Variants in FSTL5 observed in about 807,000 individuals in gnomAD.
FSTL5 encodes follistatin-related protein 5.
Under a neutral mutation model 89.1 loss-of-function variants are expected in FSTL5, and 62 were observed. The ratio of observed to expected loss-of-function variants is 0.70; its 90% CI spans 0.57 to 0.86. FSTL5 has a LOEUF of 0.86. Among genes scored for constraint, FSTL5 ranks in the 40% least tolerant of loss-of-function variants. The pLI is 0.00. For missense variants in FSTL5, 1,057 were observed against 1,001.6 expected (o/e 1.06, Z -0.75); for synonymous variants, 383 against 346.2 (o/e 1.11, Z -1.18).
intron 2 of FSTL5, among the ~76,000 whole-genome samples, chr4:162,102,666 A>T (rs1383362187): frequency 7.3e-6 from 1 of 136,082 alleles, no homozygotes; most frequent in East Asian, 3.1e-4. Flanking sequence ...TACATATATA[A>T]AAATATGTAT....
At chr4:161,947,255 CTAT>C in intron 3 of FSTL5, among the ~76,000 whole-genome samples, 1 of 39,352 alleles carries the variant, frequency 2.5e-5, no homozygotes, top group East Asian at 5.1e-4. Flanking sequence ...TTTTAAAGTT[CTAT>C]CTATCTTTTA....
intron 3 of FSTL5, among the ~76,000 whole-genome samples, chr4:161,970,743 G>A (rs554061993): frequency 3.3e-5 from 5 of 152,078 alleles, no homozygotes; most frequent in African/African-American, 1.2e-4. Context: ...ATTAAAAACA[G>A]AAGATTAGAA....
intron 2 of FSTL5, among the ~76,000 whole-genome samples, chr4:162,069,325 T>G (rs1258313212): frequency 6.6e-6 from 1 of 152,034 alleles, no homozygotes; most frequent in East Asian, 1.9e-4. Flanking sequence ...GTATACAACA[T>G]GTAATAACCT....
chr4:161,872,845 T>C (rs979082834), intron 4 of FSTL5, among the ~76,000 whole-genome samples: 2 of 152,040 alleles, frequency 1.3e-5, no homozygotes, highest in Non-Finnish European at 2.9e-5. Context: ...TGAGAAACAA[T>C]TAATTATATG....
At chr4:162,085,998 A>G (rs1212645128) in intron 2 of FSTL5, among the ~76,000 whole-genome samples, 2 of 152,132 alleles carry the variant, frequency 1.3e-5, no homozygotes, top group African/African-American at 4.8e-5. Context: ...TTTACAGCAC[A>G]TGAAGCAGGT....
intron 2 of FSTL5, among the ~76,000 whole-genome samples, chr4:162,094,912 TAAAG>T (rs1457977398): frequency 6.6e-6 from 1 of 152,128 alleles, no homozygotes; most frequent in Non-Finnish European, 1.5e-5. Flanking sequence ...AGGAAATAAA[TAAAG>T]AAATTCAATT....
intron 15 of FSTL5, among the ~76,000 whole-genome samples, chr4:161,416,146 T>C (rs1288261801): frequency 1.3e-5 from 2 of 152,184 alleles, no homozygotes; most frequent in Non-Finnish European, 2.9e-5. Context: ...TTGTCGTTAT[T>C]ATCCCAAGAG....
intron 15 of FSTL5, among the ~76,000 whole-genome samples, chr4:161,399,327 C>G (rs1283340203): frequency 6.6e-6 from 1 of 152,060 alleles, no homozygotes; most frequent in East Asian, 1.9e-4. Context: ...AAACAATTAA[C>G]ACATATTTTG....
chr4:161,911,466 T>C (rs1467264740), intron 4 of FSTL5, among the ~76,000 whole-genome samples: 1 of 152,090 alleles, frequency 6.6e-6, no homozygotes, highest in African/African-American at 2.4e-5. Context: ...GCAAAAAGCA[T>C]TGAAAAAAAC....
chr4:161,939,346 T>C (rs1734516520), intron 3 of FSTL5, among the ~76,000 whole-genome samples: 1 of 152,048 alleles, frequency 6.6e-6, no homozygotes, highest in Non-Finnish European at 1.5e-5. Context: ...ATGGTACTTA[T>C]GACTTGAAAT....
chr4:161,622,428 C>A lies in FSTL5; in HGVS notation c.894+33900G>T, dbSNP rs1030247432. ...TAAAAACATAACAAACACATTACTA[C>A]AATAGAAAATTATAGACCCTCATGA... On this transcript the variant is annotated intron_variant, in intron 7 of 15. Transcript: ENST00000306100. Among the ~76,000 whole-genome samples, 4 of 151,916 alleles carry A rather than the reference C, an allele frequency of 2.6e-5. No individual in the cohort carries two copies. In the East Asian group the frequency reaches 7.7e-4, roughly 29 times the overall value.
chr4:161,711,966 G>A (rs1308603956), intron 6 of FSTL5, among the ~76,000 whole-genome samples: 4 of 152,124 alleles, frequency 2.6e-5, no homozygotes, highest in Non-Finnish European at 4.4e-5. Context: ...AAATAGAGGG[G>A]AATTTCCTAA....
intron 4 of FSTL5, among the ~76,000 whole-genome samples, chr4:161,911,162 T>C (rs1400794595): frequency 6.6e-6 from 1 of 152,152 alleles, no homozygotes; most frequent in Non-Finnish European, 1.5e-5. Context: ...TATTGATTTA[T>C]GTTAGAAATA....
chr4:161,888,238 A>T (rs561065034), intron 4 of FSTL5, among the ~76,000 whole-genome samples: 89 of 152,264 alleles, frequency 5.8e-4, no homozygotes, highest in Middle Eastern at 6.8e-3. Context: ...TTGATAGAGT[A>T]ATGTGTGCCA....
intron 13 of FSTL5, among the ~76,000 whole-genome samples, chr4:161,461,104 C>T (rs1209895603): frequency 6.6e-6 from 1 of 151,718 alleles, no homozygotes; most frequent in Non-Finnish European, 1.5e-5. Context: ...CAGTGCTGTC[C>T]TATGAGGATA....
chr4:161,931,056 A>G (rs1286162854), intron 3 of FSTL5, among the ~76,000 whole-genome samples: 1 of 151,972 alleles, frequency 6.6e-6, no homozygotes, highest in African/African-American at 2.4e-5. Flanking sequence ...CTACATAGAA[A>G]TTAGGGATGT....
chr4:162,001,190 C>T (rs1736452606), intron 3 of FSTL5, among the ~76,000 whole-genome samples: 1 of 152,100 alleles, frequency 6.6e-6, no homozygotes, highest in African/African-American at 2.4e-5. Flanking sequence ...AGCTATATGC[C>T]AGCAACTGAA....
rs371124988 is a variant in FSTL5 at position 161,459,290 on chromosome 4, T to C, written c.1638A>G (p.Lys546=). ...QAVSTDPVPV[K]LHYDKSHDQV... is the part of the protein sequence containing the mutation. Reference sequence around the variant, plus strand: ...GATCATGTGATTTGTCATAGTGTAATTTAACTGGGACAGGGTCTGTGCTCA... The same window carrying C: ...GATCATGTGATTTGTCATAGTGTAACTTAACTGGGACAGGGTCTGTGCTCA... Residue 546 remains lysine, a synonymous_variant, in exon 14 of 16, where the codon AAA becomes AAG. Transcript: ENST00000306100. 1.7e-5 allele frequency: 28 copies of C among 1,613,222 alleles called. No individual in the cohort carries two copies. Among genetic ancestry groups the C allele is most frequent in the Admixed American group, 1.0e-4 (6 of 59,990 alleles).
At chr4:161,634,815 A>C (rs1735632153) in intron 7 of FSTL5, among the ~76,000 whole-genome samples, 1 of 152,138 alleles carries the variant, frequency 6.6e-6, no homozygotes, top group African/African-American at 2.4e-5. Context: ...TTGAGATCCA[A>C]TGAACAGATT....
Sources: allele counts gnomAD v4.1 joint callset (sites outside exome capture counted in the v4.1 genomes callset), GRCh38; gene constraint gnomAD v4.1.1; transcripts MANE v1.5; gene names NCBI Gene and HGNC (gene_info 2026-07-23, HGNC 2026-07-21).